Variants in RHOBTB1 observed in about 807,000 individuals in gnomAD.
RHOBTB1 encodes the protein Rho related BTB domain containing 1, also known as rho-related BTB domain-containing protein 1.
Under a neutral mutation model 71.6 loss-of-function variants are expected in RHOBTB1, and 40 were observed. That is an observed-to-expected ratio of 0.56 (90% confidence interval 0.43 to 0.73). The LOEUF is 0.73. Ranked by LOEUF, RHOBTB1 falls within the 30% of genes least tolerant of loss-of-function variation. RHOBTB1 has a pLI of 0.00. For missense variants in RHOBTB1, 797 were observed against 894.0 expected (o/e 0.89, Z 1.38); for synonymous variants, 319 against 334.9 (o/e 0.95, Z 0.52).
At chr10:60,879,007 A>G (rs1251788060) in intron 7 of RHOBTB1, among the ~76,000 whole-genome samples, 1 of 152,256 alleles carries the variant, frequency 6.6e-6, no homozygotes, top group Non-Finnish European at 1.5e-5. Context: ...CAGGCACTGC[A>G]CTAAGATTTC....
intron 2 of RHOBTB1, among the ~76,000 whole-genome samples, chr10:60,932,183 A>G (rs1379766296): frequency 6.6e-6 from 1 of 152,168 alleles, no homozygotes; most frequent in Non-Finnish European, 1.5e-5. Context: ...TAACATTGTA[A>G]TCTTTACTTA....
chr10:60,894,618 C>T (rs754513012), intron 4 of RHOBTB1, among the ~76,000 whole-genome samples: 3 of 152,090 alleles, frequency 2.0e-5, no homozygotes, highest in Non-Finnish European at 4.4e-5. Flanking sequence ...TATTCATAAT[C>T]ATATTTATAT....
rs2081555800 is a variant in RHOBTB1 at position 60,886,093 on chromosome 10, C to G, written c.1575+19G>C. ...ATACATTCATAAAGACACCACTATG[C>G]TTTTAGGAAGGCACGTACCTCACTG... On this transcript the variant is annotated intron_variant, in intron 7 of 10. Coordinates refer to ENST00000337910, the MANE Select transcript of RHOBTB1 (RefSeq NM_014836.5). 1 of 1,563,982 alleles carries G rather than the reference C, an allele frequency of 6.4e-7. No individual in the cohort carries two copies. Among genetic ancestry groups the G allele is most frequent in the Non-Finnish European group, 8.8e-7 (1 of 1,134,388 alleles).
intron 4 of RHOBTB1, among the ~76,000 whole-genome samples, chr10:60,907,144 G>A (rs771222805): frequency 2.0e-5 from 3 of 152,154 alleles, no homozygotes; most frequent in African/African-American, 4.8e-5. Flanking sequence ...CCAGCCACAC[G>A]GAACTGTGAG....
chr10:60,939,338 A>C (rs949888622), intron 2 of RHOBTB1, among the ~76,000 whole-genome samples: 3 of 152,178 alleles, frequency 2.0e-5, no homozygotes, highest in Non-Finnish European at 4.4e-5. Context: ...GGCACAAGAA[A>C]CAAAAGGTGC....
intron 1 of RHOBTB1, among the ~76,000 whole-genome samples, chr10:60,987,445 T>C (rs1435602924): frequency 6.6e-6 from 1 of 152,168 alleles, no homozygotes; most frequent in East Asian, 1.9e-4. Flanking sequence ...ATCATCTTCA[T>C]TCTCTTACTC....
chr10:60,940,740 A>C (rs948331169), intron 2 of RHOBTB1, among the ~76,000 whole-genome samples: 1 of 152,144 alleles, frequency 6.6e-6, no homozygotes, highest in Non-Finnish European at 1.5e-5. Context: ...TCACCGATTA[A>C]TCATCTATCC....
chr10:60,874,696 C>T (rs1234960277), intron 9 of RHOBTB1, among the ~76,000 whole-genome samples: 1 of 152,114 alleles, frequency 6.6e-6, no homozygotes. Context: ...AAGTGATTTT[C>T]CTACATATGA....
intron 2 of RHOBTB1, among the ~76,000 whole-genome samples, chr10:60,939,377 G>C (rs1054552778): frequency 2.0e-5 from 3 of 152,024 alleles, no homozygotes; most frequent in Non-Finnish European, 4.4e-5. Flanking sequence ...GGTTCTATTT[G>C]TTTACAAACT....
At chr10:60,920,308 G>A (rs1240477482) in intron 2 of RHOBTB1, among the ~76,000 whole-genome samples, 2 of 152,046 alleles carry the variant, frequency 1.3e-5, no homozygotes, top group African/African-American at 4.8e-5. Flanking sequence ...AATTTGGGGG[G>A]TCCTTGAAAA....
chr10:60,960,332 C>T (rs571111830), intron 2 of RHOBTB1, among the ~76,000 whole-genome samples: 4 of 152,172 alleles, frequency 2.6e-5, no homozygotes, highest in South Asian at 4.1e-4. Context: ...ATTATGCTGG[C>T]GAATTTAATC....
intron 2 of RHOBTB1, among the ~76,000 whole-genome samples, chr10:60,939,365 T>G (rs927056615): frequency 1.3e-5 from 2 of 152,118 alleles, no homozygotes; most frequent in Non-Finnish European, 2.9e-5. Flanking sequence ...GAGGAGGAAG[T>G]GGGTTCTATT....
intron 7 of RHOBTB1, among the ~76,000 whole-genome samples, chr10:60,879,540 TTGCTATGC>T (rs1196584537): frequency 1.3e-5 from 2 of 151,756 alleles, no homozygotes; most frequent in Non-Finnish European, 2.9e-5. Context: ...AATGGCGGGC[TTGCTATGC>T]TGCCTAGGCT....
intron 4 of RHOBTB1, among the ~76,000 whole-genome samples, chr10:60,895,592 C>T (rs1460338644): frequency 6.6e-6 from 1 of 152,238 alleles, no homozygotes; most frequent in East Asian, 1.9e-4. Context: ...TTAGTAGAGA[C>T]GGGGTTTCTC....
chr10:60,946,483 A>G (rs372863297), upstream of RHOBTB1, among the ~76,000 whole-genome samples: 199 of 152,268 alleles, frequency 1.3e-3, 1 homozygote, highest in African/African-American at 4.4e-3. Flanking sequence ...CCCCACAACA[A>G]CTGATGAGGC....
At chr10:60,873,086 T>C (rs996648187) in intron 9 of RHOBTB1, among the ~76,000 whole-genome samples, 1 of 152,108 alleles carries the variant, frequency 6.6e-6, no homozygotes, top group Non-Finnish European at 1.5e-5. Flanking sequence ...GTGAGGCCAA[T>C]AGAAAAGCCA....
At chr10:60,955,834 G>C (rs373213553) in intron 2 of RHOBTB1, among the ~76,000 whole-genome samples, 1 of 152,060 alleles carries the variant, frequency 6.6e-6, no homozygotes, top group African/African-American at 2.4e-5. Context: ...GAAAACTAAG[G>C]ATGTGCTATC....
At chr10:60,932,443 A>T (rs1473813176) in intron 2 of RHOBTB1, among the ~76,000 whole-genome samples, 1 of 151,334 alleles carries the variant, frequency 6.6e-6, no homozygotes, top group Admixed American at 6.6e-5. Flanking sequence ...GTTTGCAAAA[A>T]GTCATCAAGC....
Position 60,871,304 on chromosome 10 carries a change from A to G in RHOBTB1, c.*178T>C. ...CTTCCCTTTTTGTCCAGGCTCATTG[A>G]TGGTGAGCTTGTGCTTTGATCCTAA... On this transcript the variant is annotated 3_prime_UTR_variant, in exon 11 of 11. Coordinates refer to ENST00000337910, the MANE Select transcript of RHOBTB1 (RefSeq NM_014836.5). 1 of 571,864 alleles carries G rather than the reference A, an allele frequency of 1.7e-6. No homozygotes were observed. The highest frequency in any genetic ancestry group is 3.0e-6 in the Non-Finnish European group (1 of 334,866). 35.4% of individuals were successfully genotyped at this position (571,864 alleles called of 1,614,324 possible). A position where few individuals can be genotyped will look rare whatever the true frequency, so the allele number is the denominator to read the frequency against.
Sources: gnomAD v4.1 joint callset for allele counts (sites outside exome capture counted in the v4.1 genomes callset) on GRCh38, gnomAD v4.1.1 for gene constraint, MANE v1.5 for transcripts, NCBI Gene and HGNC (gene_info 2026-07-23, HGNC 2026-07-21) for gene names.